ATAD1: variants seen among roughly 807,000 people sequenced by gnomAD.
The protein encoded by ATAD1 is ATPase family AAA domain containing 1.
In ATAD1, 18 loss-of-function variants were observed where a neutral mutation model predicts 42.7. That is an observed-to-expected ratio of 0.42 (90% CI 0.29 to 0.63). The LOEUF (loss-of-function observed/expected upper bound fraction) is 0.63. Ranked by LOEUF, ATAD1 falls within the 20% of genes least tolerant of loss-of-function variation. The probability of loss-of-function intolerance (pLI) is 0.19; values close to 1 mark genes in which losing one functional copy is unlikely to be tolerated. For missense variants in ATAD1, 294 were observed against 440.4 expected, an observed-to-expected ratio of 0.67 and a Z score of 2.98; for synonymous variants, 132 against 143.1, an observed-to-expected ratio of 0.92 and a Z score of 0.55.
At chr10:87,776,260 C>G (rs1164695435) in intron 6 of ATAD1, 61 bp downstream of exon 6, 1 of 1,327,020 alleles carries the variant, frequency 7.5e-7, no homozygotes, top group Admixed American at 2.0e-5. Context: ...AGTAGCCCAG[C>G]AAATTTTCTA....
At chr10:87,794,581 C>T (rs1023762097) in intron 2 of ATAD1, among the ~76,000 whole-genome samples, 13 of 152,176 alleles carry the variant, frequency 8.5e-5, no homozygotes, top group Non-Finnish European at 1.6e-4. Context: ...ATACCAGCAT[C>T]TAGTCAGTAG....
intron 5 of ATAD1, among the ~76,000 whole-genome samples, chr10:87,780,572 T>C (rs1589496782): frequency 6.6e-6 from 1 of 152,050 alleles, no homozygotes; most frequent in Non-Finnish European, 1.5e-5. Flanking sequence ...CTTAAAACCA[T>C]TATTAAAAAT....
At chr10:87,784,319 A>G (rs559201814) in intron 5 of ATAD1, 151 bp downstream of exon 5, 3 of 693,868 alleles carry the variant, frequency 4.3e-6, no homozygotes, top group Admixed American at 2.9e-5. Flanking sequence ...GGTTCATTCT[A>G]CAACACAGAA....
chr10:87,755,449 A>C (rs905338129), intron 9 of ATAD1, among the ~76,000 whole-genome samples: 8 of 152,232 alleles, frequency 5.3e-5, no homozygotes, highest in Non-Finnish European at 1.0e-4. Context: ...ATAAAATTAT[A>C]AAATATGAAA....
At chr10:87,826,370 A>T (rs980912686) in intron 1 of ATAD1, among the ~76,000 whole-genome samples, 1 of 152,224 alleles carries the variant, frequency 6.6e-6, no homozygotes, top group Non-Finnish European at 1.5e-5. Context: ...TTGAATGTCC[A>T]AGTAAGGCCC....
At chr10:87,760,412 C>A (rs1262554880) in intron 8 of ATAD1, among the ~76,000 whole-genome samples, 1 of 152,174 alleles carries the variant, frequency 6.6e-6, no homozygotes, top group Admixed American at 6.5e-5. Context: ...GCTTGCTTCC[C>A]CTTCGCCTTT....
intron 6 of ATAD1, among the ~76,000 whole-genome samples, chr10:87,772,778 T>C (rs759568040): frequency 7.9e-5 from 12 of 152,174 alleles, no homozygotes; most frequent in Admixed American, 6.5e-4. Context: ...CACGTGTAGT[T>C]TCACATAAAG....
At chr10:87,791,030 CAAA>C (rs34722647) in intron 3 of ATAD1, among the ~76,000 whole-genome samples, 61 of 66,248 alleles carry the variant, frequency 9.2e-4, no homozygotes, top group African/African-American at 1.2e-3. Flanking sequence ...ACTAAAATTA[CAAA>C]AAAAAAAAAA....
chr10:87,799,387 T>G (rs909635244), intron 2 of ATAD1, among the ~76,000 whole-genome samples: 1 of 152,236 alleles, frequency 6.6e-6, no homozygotes, highest in Non-Finnish European at 1.5e-5. Context: ...TTATCATAAC[T>G]TCTAATCTTG....
chr10:87,793,250 A>G (rs939928798), intron 2 of ATAD1, among the ~76,000 whole-genome samples: 3 of 152,336 alleles, frequency 2.0e-5, no homozygotes, highest in African/African-American at 7.2e-5. Context: ...CACATATCCC[A>G]TTTTAAATTG....
chr10:87,831,822 T>C (rs888717722), intron 1 of ATAD1, among the ~76,000 whole-genome samples: 14 of 152,226 alleles, frequency 9.2e-5, no homozygotes, highest in Non-Finnish European at 2.1e-4. Flanking sequence ...CTTTATATAG[T>C]ATTTAATATA....
At chr10:87,798,621 A>AGG (rs1033781350) in intron 2 of ATAD1, among the ~76,000 whole-genome samples, 8 of 80,036 alleles carry the variant, frequency 1.0e-4, no homozygotes, top group East Asian at 2.9e-4. Context: ...TAAAAGCTAT[A>AGG]GGGGGTGTGT....
chr10:87,787,228 T>C (rs1855881461), intron 4 of ATAD1, among the ~76,000 whole-genome samples: 1 of 152,252 alleles, frequency 6.6e-6, no homozygotes, highest in Admixed American at 6.5e-5. Context: ...CTGTGTTTAT[T>C]ATCTTAAGCT....
intron 1 of ATAD1, among the ~76,000 whole-genome samples, chr10:87,837,773 C>T (rs1035862893): frequency 3.3e-5 from 5 of 152,182 alleles, no homozygotes; most frequent in Non-Finnish European, 5.9e-5. Context: ...GTTTATCCCA[C>T]CCTCCTGAGG....
chr10:87,756,653 G>T, intron 9 of ATAD1, 136 bp downstream of exon 9: 1 of 792,156 alleles, frequency 1.3e-6, no homozygotes, highest in Non-Finnish European at 1.8e-6. Context: ...AATAAATAAA[G>T]TTGCAGGGGG....
intron 2 of ATAD1, among the ~76,000 whole-genome samples, chr10:87,794,008 T>G (rs1015102490): frequency 5.9e-5 from 9 of 151,976 alleles, no homozygotes; most frequent in Admixed American, 5.2e-4. Flanking sequence ...GAGGATTGCT[T>G]GAACCCAGGA....
rs72814108 is a variant in ATAD1, at chr10:87,765,729, T to C, written c.831+1944A>G. On this transcript the variant is annotated intron_variant, in intron 8 of 9. Transcript: ENST00000680024. ...CCCTAAAGAATGCAAATTAAAACTT[T>C]AATGAGATAACCATTTTTGACCAGC... 3.6e-3 allele frequency among the ~76,000 whole-genome samples: 541 copies of C among 152,296 alleles called. 2 individuals are homozygous for C. The highest frequency in any genetic ancestry group is 6.1e-3 in the Non-Finnish European group (414 of 68,020).
At position 87,771,030 on chromosome 10, in the gene ATAD1, C is replaced by G; in HGVS notation, c.702G>C (p.Met234Ile). ...DTDHSCQVIV[M>I]GATNRPQDLD... is the part of the protein sequence containing the mutation. ...GGTCCTGAGGACGATTGGTAGCTCCCATTACTATGACCTAAGTGTATAAAG... is the reference window on the plus strand; with the variant it reads ...GGTCCTGAGGACGATTGGTAGCTCCGATTACTATGACCTAAGTGTATAAAG... The change falls in exon 7 of 10, where the codon ATG (methionine) becomes ATC (isoleucine). Residue 234 changes from methionine (M) to isoleucine (I), a missense_variant. By Grantham distance (10) the Met-to-Ile change is conservative. This residue lies in a region of ATAD1 where 142 missense variants were observed against 174.6 expected (regional missense o/e 0.81). Transcript: ENST00000680024. 6.2e-7 allele frequency: 1 copy of G among 1,612,694 alleles called. No individual in the cohort carries two copies. The highest frequency in any genetic ancestry group is 8.5e-7 in the Non-Finnish European group (1 of 1,179,098).
intron 1 of ATAD1, among the ~76,000 whole-genome samples, chr10:87,825,396 A>G (rs1373994089): frequency 3.7e-5 from 5 of 136,678 alleles, no homozygotes; most frequent in Non-Finnish European, 6.1e-5. Context: ...CGCAACCTCC[A>G]CCTCCTAGGT....
Sources: allele counts gnomAD v4.1 joint callset (sites outside exome capture counted in the v4.1 genomes callset), GRCh38; gene constraint gnomAD v4.1.1; regional missense constraint gnomAD v4.1.1; transcripts MANE v1.5; gene names NCBI Gene and HGNC (gene_info 2026-07-23, HGNC 2026-07-21).